Variants in ERC1 observed in about 807,000 individuals in gnomAD.
The protein encoded by ERC1 is ELKS/RAB6-interacting/CAST family member 1, also known as RAB6 interacting protein 2.
Under a neutral mutation model 132.0 loss-of-function variants are expected in ERC1, and 56 were observed. That is an observed-to-expected ratio of 0.42 (90% CI 0.34 to 0.53). ERC1 has a LOEUF of 0.53. Ranked by LOEUF, ERC1 falls within the 20% of genes least tolerant of loss-of-function variation. The pLI, the probability that ERC1 is intolerant of heterozygous loss-of-function variation, is 0.03. For missense variants in ERC1, 1,202 were observed against 1,349.9 expected (o/e 0.89, Z 1.72); for synonymous variants, 478 against 476.1 (o/e 1.00, Z -0.05).
chr12:1,354,605 G>A (rs1030597324), intron 15 of ERC1, among the ~76,000 whole-genome samples: 8 of 152,028 alleles, frequency 5.3e-5, no homozygotes, highest in Non-Finnish European at 1.2e-4. Context: ...ATTATAGTGA[G>A]TGTTTACCCA....
At chr12:1,386,011 A>T (rs1275853892) in intron 16 of ERC1, 1 of 150,750 alleles carries the variant, frequency 6.6e-6, no homozygotes, top group African/African-American at 2.5e-5. Flanking sequence ...CTGTTGCTTA[A>T]AGCTTCTTGC....
At chr12:1,226,313 A>G (rs1308438583) in intron 12 of ERC1, among the ~76,000 whole-genome samples, 1 of 152,216 alleles carries the variant, frequency 6.6e-6, no homozygotes, top group Non-Finnish European at 1.5e-5. Context: ...AATAGCATGC[A>G]TTTAAGTACG....
chr12:1,294,049 G>C (rs577285770), intron 15 of ERC1, among the ~76,000 whole-genome samples: 2 of 152,294 alleles, frequency 1.3e-5, no homozygotes, highest in East Asian at 1.9e-4. Flanking sequence ...TCTGGGACTA[G>C]TTAAAATTAT....
At chr12:1,487,999 G>A (rs563552940) in intron 18 of ERC1, among the ~76,000 whole-genome samples, 37 of 152,118 alleles carry the variant, frequency 2.4e-4, no homozygotes, top group Admixed American at 2.1e-3. Context: ...TTAGCTGGGC[G>A]TGGTAGCAGG....
chr12:1,136,922 A>G (rs544612915), intron 7 of ERC1, among the ~76,000 whole-genome samples: 1 of 152,062 alleles, frequency 6.6e-6, no homozygotes, highest in African/African-American at 2.4e-5. Flanking sequence ...CTCTTCTGAC[A>G]TACTGTTCAT....
intron 13 of ERC1, among the ~76,000 whole-genome samples, chr12:1,244,198 A>G (rs1256884399): frequency 2.0e-5 from 3 of 152,226 alleles, no homozygotes; most frequent in Admixed American, 6.5e-5. Context: ...TTGGTACTCT[A>G]GAAGTATTTA....
In ERC1 at chr12:1,236,924, C is replaced by T. The variant is rs768313715; in HGVS notation, c.2487+20C>T. On this transcript the variant is annotated intron_variant, in intron 13 of 18. Transcript: ENST00000360905. ...CTACAGGTTAGAACACAAGGAGAAT[C>T]TGAAAGGATCGGGTGAAGACATTTG... is the stretch of plus-strand genomic sequence containing the variant. 3.7e-6 allele frequency: 6 copies of T among 1,613,174 alleles called. No homozygotes were observed. The Admixed American group carries it at 1.0e-4, about 27-fold the overall frequency.
At chr12:1,139,273 C>T (rs1388384169) in intron 7 of ERC1, among the ~76,000 whole-genome samples, 1 of 152,144 alleles carries the variant, frequency 6.6e-6, no homozygotes, top group Admixed American at 6.5e-5. Context: ...AGTGTATCCA[C>T]GTACCCACAC....
At chr12:1,243,331 G>C (rs188354047) in intron 13 of ERC1, among the ~76,000 whole-genome samples, 1 of 152,288 alleles carries the variant, frequency 6.6e-6, no homozygotes, top group Admixed American at 6.5e-5. Flanking sequence ...TATTCCAGGG[G>C]AGTGTTAGAA....
intron 12 of ERC1, among the ~76,000 whole-genome samples, chr12:1,209,536 T>G (rs1196987129): frequency 6.6e-6 from 1 of 152,202 alleles, no homozygotes; most frequent in Non-Finnish European, 1.5e-5. Context: ...CAACATTTTC[T>G]GCCTTGCTCA....
chr12:1,263,887 A>G (rs1364917275), intron 14 of ERC1, among the ~76,000 whole-genome samples: 1 of 151,466 alleles, frequency 6.6e-6, no homozygotes, highest in African/African-American at 2.4e-5. Context: ...TTGGGGTTTC[A>G]CCATGTTGGC....
chr12:1,195,875 G>A (rs1466101642), intron 12 of ERC1, among the ~76,000 whole-genome samples: 1 of 97,682 alleles, frequency 1.0e-5, no homozygotes, highest in Non-Finnish European at 2.1e-5. Flanking sequence ...ACTTATTTCC[G>A]CCCCCCCCCC....
intron 8 of ERC1, among the ~76,000 whole-genome samples, chr12:1,178,392 C>G (rs1351584780): frequency 1.3e-5 from 2 of 151,926 alleles, no homozygotes; most frequent in Admixed American, 1.3e-4. Context: ...TAGGAAGGTA[C>G]AAAACAGCTG....
At chr12:1,375,154 T>C (rs777237204) in intron 16 of ERC1, among the ~76,000 whole-genome samples, 10 of 152,142 alleles carry the variant, frequency 6.6e-5, no homozygotes, top group Non-Finnish European at 1.2e-4. Flanking sequence ...GACTGGGTAA[T>C]GTAAAGACAA....
intron 17 of ERC1, among the ~76,000 whole-genome samples, chr12:1,439,604 A>C (rs2093045535): frequency 6.6e-6 from 1 of 152,228 alleles, no homozygotes; most frequent in East Asian, 1.9e-4. Flanking sequence ...AGCAAATATC[A>C]TGACGAGTTC....
At chr12:1,185,314 A>G (rs758739172) in intron 11 of ERC1, among the ~76,000 whole-genome samples, 12 of 151,986 alleles carry the variant, frequency 7.9e-5, no homozygotes, top group South Asian at 4.1e-4. Flanking sequence ...TGCTGGGAGC[A>G]AGGCCACTAT....
intron 2 of ERC1, among the ~76,000 whole-genome samples, chr12:1,069,854 T>C (rs886278340): frequency 6.6e-6 from 1 of 152,210 alleles, no homozygotes; most frequent in Non-Finnish European, 1.5e-5. Flanking sequence ...ATGGGAAAAC[T>C]TAAGAGCTTT....
chr12:1,375,274 G>A (rs1195384580), intron 16 of ERC1, among the ~76,000 whole-genome samples: 1 of 152,194 alleles, frequency 6.6e-6, no homozygotes, highest in Admixed American at 6.5e-5. Flanking sequence ...TGGCAGGAGA[G>A]AGAGCGATCA....
chr12:1,063,266 T>G (rs148741749), intron 2 of ERC1, among the ~76,000 whole-genome samples: 2 of 150,150 alleles, frequency 1.3e-5, no homozygotes, highest in African/African-American at 4.9e-5. Flanking sequence ...ATGTATTTAT[T>G]TATTTAGTTT....
Sources: gnomAD v4.1 joint callset for allele counts (sites outside exome capture counted in the v4.1 genomes callset) on GRCh38, gnomAD v4.1.1 for gene constraint, MANE v1.5 for transcripts, NCBI Gene and HGNC (gene_info 2026-07-23, HGNC 2026-07-21) for gene names.